Variants in SEMA6A observed in about 807,000 individuals in gnomAD.
SEMA6A encodes semaphorin-6A.
In SEMA6A, 25 loss-of-function variants were observed where a neutral mutation model predicts 96.8. The observed-to-expected ratio is 0.26, with a 90% CI of 0.19 to 0.36. The LOEUF is 0.36. SEMA6A is among the 10% of genes least tolerant of loss of function. The probability of loss-of-function intolerance (pLI) is 1.00; values close to 1 mark genes in which losing one functional copy is unlikely to be tolerated. For synonymous variants in SEMA6A, 612 were observed against 518.0 expected (o/e 1.18, Z -2.46); for missense variants, 1,363 against 1,323.1 (o/e 1.03, Z -0.47).
At chr5:116,546,253 C>T (rs1008670138) in intron 1 of SEMA6A, among the ~76,000 whole-genome samples, 9 of 152,236 alleles carry the variant, frequency 5.9e-5, no homozygotes, top group African/African-American at 1.9e-4. Context: ...GTCACAAGCT[C>T]AGAGTCACAG....
intron 1 of SEMA6A, among the ~76,000 whole-genome samples, chr5:116,546,851 C>G (rs769271311): frequency 1.3e-5 from 2 of 152,242 alleles, no homozygotes; most frequent in Non-Finnish European, 2.9e-5. Flanking sequence ...TCCCTCTCCT[C>G]TCACTTTAAC....
Position 116,446,766 on chromosome 5 carries a change from G to A in SEMA6A, c.2940C>T (p.Ala980=), listed in dbSNP as rs752972076. The A allele has an allele frequency of 9.9e-6, 16 of 1,610,576 alleles. No homozygotes were observed. The highest frequency in any genetic ancestry group is 2.2e-5 in the East Asian group (1 of 44,778). The part of the protein sequence containing the change: ...QVHSSQPSGQ[A]VTVSRQPSLN... Reference sequence around the variant, plus strand: ...GGCTGGGCTGCCTCGAGACAGTCACGGCCTGGCCAGATGGCTGGGAGCTGT... The same window carrying A: ...GGCTGGGCTGCCTCGAGACAGTCACAGCCTGGCCAGATGGCTGGGAGCTGT... The change falls in exon 19 of 19, where the codon GCC becomes GCT. Residue 980 remains alanine (A), a synonymous_variant. Transcript: ENST00000343348.
intron 1 of SEMA6A, among the ~76,000 whole-genome samples, chr5:116,514,105 G>A (rs1017754687): frequency 8.5e-5 from 13 of 152,146 alleles, no homozygotes; most frequent in African/African-American, 3.1e-4. Flanking sequence ...ATACGTGCAT[G>A]TGTCTTTATA....
At chr5:116,567,140 GTTATTA>G (rs757134382) in intron 1 of SEMA6A, among the ~76,000 whole-genome samples, 3 of 152,066 alleles carry the variant, frequency 2.0e-5, no homozygotes, top group Admixed American at 1.3e-4. Context: ...GGCTCTGCTT[GTTATTA>G]TTATTATTTT....
At chr5:116,482,607 T>C (rs1756841179) in intron 10 of SEMA6A, 32 bp from the exon 11 acceptor site, 2 of 1,611,566 alleles carry the variant, frequency 1.2e-6, no homozygotes, top group Middle Eastern at 3.3e-4. Flanking sequence ...CAAGTGTTAC[T>C]CATGCAATGG....
chr5:116,470,705 C>T (rs1043928545), intron 17 of SEMA6A, among the ~76,000 whole-genome samples: 2 of 152,178 alleles, frequency 1.3e-5, no homozygotes, highest in Admixed American at 6.5e-5. Flanking sequence ...CAAGCAGAAA[C>T]TCTGCATCGT....
chr5:116,528,822 G>T lies in SEMA6A; in HGVS notation c.-38-23840C>A, dbSNP rs549238047. Among the ~76,000 whole-genome samples, 3 of 152,294 alleles carry T rather than the reference G, an allele frequency of 2.0e-5. No individual in the cohort carries two copies. In the South Asian group the frequency reaches 6.2e-4, roughly 32 times the overall value. On this transcript the variant is annotated intron_variant, in intron 1 of 18. Coordinates refer to ENST00000343348, the MANE Select transcript of SEMA6A (RefSeq NM_020796.5). ...TGCTGTGGCTCTATAATTATATCCA[G>T]CCTGATAATCATCCGTTCTACCGCT... is the stretch of plus-strand genomic sequence containing the variant.
chr5:116,526,850 G>A (rs1227262377), intron 1 of SEMA6A, among the ~76,000 whole-genome samples: 2 of 152,100 alleles, frequency 1.3e-5, no homozygotes, highest in East Asian at 1.9e-4. Context: ...TACATGAAAT[G>A]TAAGATGCTG....
intron 1 of SEMA6A, among the ~76,000 whole-genome samples, chr5:116,565,190 A>G (rs1760977078): frequency 6.6e-6 from 1 of 152,168 alleles, no homozygotes; most frequent in African/African-American, 2.4e-5. Context: ...TGGATTAAAT[A>G]CCAGCTGGAT....
Position 116,447,827 on chromosome 5 carries a change from C to A in SEMA6A, c.1895-16G>T, listed in dbSNP as rs771791244. On this transcript the variant is annotated splice_polypyrimidine_tract_variant and intron_variant, in intron 18 of 18. Coordinates refer to ENST00000343348, the MANE Select transcript of SEMA6A (RefSeq NM_020796.5). ...CGAATCACTCCTGCAATAGACATCGCATATGGCGTTAAGAAATGAAAGCAC... is the reference window on the plus strand; with the variant it reads ...CGAATCACTCCTGCAATAGACATCGAATATGGCGTTAAGAAATGAAAGCAC... 1.3e-6 allele frequency: 2 copies of A among 1,551,440 alleles called. No individual in the cohort carries two copies. Among genetic ancestry groups the A allele is most frequent in the Non-Finnish European group, 1.7e-6 (2 of 1,145,380 alleles).
intron 1 of SEMA6A, among the ~76,000 whole-genome samples, chr5:116,520,255 CTTT>C (rs60534452): frequency 0.025 from 3,436 of 135,362 alleles, 141 homozygotes; most frequent in African/African-American, 0.085. Context: ...CAGCCTGATG[CTTT>C]TTTTTTTTTT....
intron 1 of SEMA6A, among the ~76,000 whole-genome samples, chr5:116,518,617 C>T: frequency 6.6e-6 from 1 of 152,204 alleles, no homozygotes; most frequent in Non-Finnish European, 1.5e-5. Context: ...GACACACACC[C>T]AGCCCTGCAG....
At position 116,446,785 on chromosome 5, in the gene SEMA6A, G is replaced by C. The variant is rs780679196; in HGVS notation, c.2921C>G (p.Ser974Cys). The C allele has an allele frequency of 1.2e-6, 2 of 1,612,536 alleles. No individual in the cohort carries two copies. The highest frequency in any genetic ancestry group is 1.7e-5 in the Admixed American group (1 of 59,742). The change falls in exon 19 of 19, where the codon TCC becomes TGC. Residue 974 changes from serine to cysteine, a missense_variant. This residue lies in a region of SEMA6A where 883 missense variants were observed against 763.6 expected (regional missense o/e 1.16). Transcript: ENST00000343348. ...QRVDSIQVHS[S>C]QPSGQAVTVS... The stretch of plus-strand genomic sequence containing the variant: ...AGTCACGGCCTGGCCAGATGGCTGG[G>C]AGCTGTGCACCTGGATGGAGTCCAC...
intron 18 of SEMA6A, among the ~76,000 whole-genome samples, chr5:116,467,039 T>G (rs1476496572): frequency 6.6e-6 from 1 of 152,116 alleles, no homozygotes; most frequent in African/African-American, 2.4e-5. Context: ...AATAACATAT[T>G]TTTGTCTTAG....
rs1754278277 is a variant in SEMA6A at position 116,447,221 on chromosome 5, A to G, written c.2485T>C (p.Tyr829His). ...TCGCTCATTTTGGGCTGGTCCACGT[A>G]CTCATGCTGGTAGCCCTGCTGCGTG... ...PITQQGYQHE[Y>H]VDQPKMSEVA... The change falls in exon 19 of 19, where the codon TAC (tyrosine) becomes CAC (histidine). Residue 829 changes from tyrosine (Y) to histidine (H), a missense_variant. Coordinates refer to ENST00000343348, the MANE Select transcript of SEMA6A (RefSeq NM_020796.5). 1.9e-6 allele frequency: 3 copies of G among 1,613,838 alleles called. No individual in the cohort carries two copies. Among genetic ancestry groups the G allele is most frequent in the Non-Finnish European group, 2.5e-6 (3 of 1,179,896 alleles).
chr5:116,498,500 G>A (rs940578440), intron 3 of SEMA6A: 15 of 143,940 alleles, frequency 1.0e-4, no homozygotes, highest in Admixed American at 2.3e-4. Flanking sequence ...CGACTCACGT[G>A]AATATAAAAC....
At chr5:116,552,191 C>T (rs72812721) in intron 1 of SEMA6A, among the ~76,000 whole-genome samples, 133 of 152,276 alleles carry the variant, frequency 8.7e-4, no homozygotes, top group Non-Finnish European at 1.6e-3. Context: ...ACACTATTTA[C>T]GGCCTAACGC....
intron 17 of SEMA6A, 30 bp downstream of exon 17, chr5:116,473,043 A>G (rs775721418): frequency 2.5e-6 from 4 of 1,582,186 alleles, no homozygotes; most frequent in South Asian, 1.2e-5. Flanking sequence ...TTCCACCAGT[A>G]TGGAATTATG....
chr5:116,495,241 G>A (rs1757534356), intron 6 of SEMA6A, among the ~76,000 whole-genome samples, 172 bp downstream of exon 6: 1 of 152,190 alleles, frequency 6.6e-6, no homozygotes, highest in Non-Finnish European at 1.5e-5. Flanking sequence ...GAACAAACAG[G>A]AAGCTTAGAA....
Sources: allele counts gnomAD v4.1 joint callset (sites outside exome capture counted in the v4.1 genomes callset), GRCh38; gene constraint gnomAD v4.1.1; regional missense constraint gnomAD v4.1.1; transcripts MANE v1.5; gene names NCBI Gene and HGNC (gene_info 2026-07-23, HGNC 2026-07-21).